Variants in CACNA1E observed in about 807,000 individuals in gnomAD.
CACNA1E encodes the protein calcium voltage-gated channel subunit alpha1 E, also known as voltage-dependent R-type calcium channel subunit alpha-1E.
Under a neutral mutation model 259.2 loss-of-function variants are expected in CACNA1E, and 40 were observed. That is an observed-to-expected ratio of 0.15 (90% CI 0.12 to 0.20). CACNA1E has a LOEUF of 0.20. Ranked by LOEUF, CACNA1E falls within the 10% of genes least tolerant of loss-of-function variation. The pLI is 1.00. For missense variants in CACNA1E, 1,874 were observed against 3,040.1 expected, an observed-to-expected ratio of 0.62 and a Z score of 9.02; for synonymous variants, 1,104 against 1,138.5, an observed-to-expected ratio of 0.97 and a Z score of 0.61.
intron 7 of CACNA1E, among the ~76,000 whole-genome samples, chr1:181,655,612 T>C (rs1255031730): frequency 6.6e-6 from 1 of 152,036 alleles, no homozygotes; most frequent in Non-Finnish European, 1.5e-5. Flanking sequence ...AAGGAAGTAA[T>C]TGAAGAAAGA....
At chr1:181,400,097 TC>T (rs1454328089) in intron 1 of CACNA1E, among the ~76,000 whole-genome samples, 2 of 151,974 alleles carry the variant, frequency 1.3e-5, no homozygotes, top group Non-Finnish European at 2.9e-5. Context: ...ATCTCAGTGT[TC>T]CCCCCCACCA....
intron 6 of CACNA1E, among the ~76,000 whole-genome samples, chr1:181,645,459 C>G (rs1355112127): frequency 1.3e-5 from 2 of 152,190 alleles, no homozygotes; most frequent in East Asian, 3.9e-4. Context: ...TCCCCCACTT[C>G]TTGGCATGTC....
Position 181,758,889 on chromosome 1 carries a change from C to T in CACNA1E, c.4605+21C>T, listed in dbSNP as rs372381671. The T allele has an allele frequency of 7.2e-5, 94 of 1,298,426 alleles. No individual in the cohort carries two copies. The African/African-American group carries it at 1.1e-3, about 15-fold the overall frequency. 80.4% of individuals were successfully genotyped at this position (1,298,426 alleles called of 1,614,324 possible). On this transcript the variant is annotated intron_variant, in intron 32 of 47. Coordinates refer to ENST00000367573, the MANE Select transcript of CACNA1E (RefSeq NM_001205293.3). This position sits in a 1 kb window ranked among gnomAD's most constrained non-coding sequence, Gnocchi z 4.2. ...TTTTGGTATGTTGCTGAATCCTTCC[C>T]AGCACTGGGCTTGTCTCTTTCTGTT... is the stretch of plus-strand genomic sequence containing the variant.
In CACNA1E at chr1:181,794,873, G is replaced by A. The variant is rs1319824179; in HGVS notation, c.6037G>A (p.Asp2013Asn). ...RLTVDPQVVT[D>N]PSSMRRSFST... is the part of the protein sequence containing the mutation. Reference sequence around the variant, plus strand: ...GGGCTTGTATTTCCAGGTGGTGACAGACCCTAGCTCCATGAGACGTTCATT... The same window carrying A: ...GGGCTTGTATTTCCAGGTGGTGACAAACCCTAGCTCCATGAGACGTTCATT... Residue 2013 changes from aspartate (D) to asparagine (N), a missense_variant, in exon 46 of 48, where the codon GAC becomes AAC. By Grantham distance (23) the Asp-to-Asn change is conservative (BLOSUM62 1). This residue lies in a region of CACNA1E where 542 missense variants were observed against 587.2 expected (regional missense o/e 0.92). Transcript: ENST00000367573. 6.2e-7 allele frequency: 1 copy of A among 1,610,766 alleles called. No homozygotes were observed. The highest frequency in any genetic ancestry group is 1.1e-5 in the South Asian group (1 of 90,522).
chr1:181,679,391 G>A (rs959943652), intron 7 of CACNA1E, among the ~76,000 whole-genome samples: 2 of 152,140 alleles, frequency 1.3e-5, no homozygotes, highest in East Asian at 1.9e-4. Context: ...CAAAGCTCAC[G>A]TGCTTTGTCC....
intron 2 of CACNA1E, among the ~76,000 whole-genome samples, chr1:181,435,463 T>C (rs1571868341): frequency 1.3e-5 from 2 of 152,210 alleles, no homozygotes; most frequent in African/African-American, 4.8e-5. Flanking sequence ...GCCACCCCCA[T>C]AGAATGTTCC....
At chr1:181,680,124 A>G (rs1649798734) in intron 7 of CACNA1E, among the ~76,000 whole-genome samples, 1 of 121,852 alleles carries the variant, frequency 8.2e-6, no homozygotes, top group Non-Finnish European at 1.7e-5. Flanking sequence ...AAAAAAAAAA[A>G]AAAAAAAAAA....
chr1:181,483,494 CTTTTTTCTTTTTT>C (rs1558040208), upstream of CACNA1E: 2 of 237,942 alleles, frequency 8.4e-6, no homozygotes, highest in African/African-American at 2.5e-5. Flanking sequence ...CTTTTTTTTT[CTTTTTTCTTTTTT>C]TTTTTTTTCC....
At chr1:181,780,257 G>C (rs1008050580) in intron 38 of CACNA1E, among the ~76,000 whole-genome samples, 4 of 152,182 alleles carry the variant, frequency 2.6e-5, no homozygotes, top group Non-Finnish European at 5.9e-5. Context: ...GGGTTGCTGT[G>C]AGGGATCTGA....
chr1:181,653,738 C>T (rs2102076140), intron 7 of CACNA1E, among the ~76,000 whole-genome samples: 1 of 152,336 alleles, frequency 6.6e-6, no homozygotes, highest in East Asian at 1.9e-4. Context: ...GATTTAGGGT[C>T]ATTCTGATAA....
At chr1:181,593,066 A>G (rs1351963350) in intron 6 of CACNA1E, among the ~76,000 whole-genome samples, 4 of 152,196 alleles carry the variant, frequency 2.6e-5, no homozygotes, top group Non-Finnish European at 5.9e-5. Flanking sequence ...CATCAGTAAT[A>G]TGGGGGTAAT....
intron 23 of CACNA1E, among the ~76,000 whole-genome samples, chr1:181,737,927 A>G (rs1404186989): frequency 6.6e-6 from 1 of 152,214 alleles, no homozygotes; most frequent in African/African-American, 2.4e-5. Context: ...ATATAGGGTC[A>G]TGGATGGTGT....
intron 7 of CACNA1E, among the ~76,000 whole-genome samples, chr1:181,671,684 A>G (rs151170755): frequency 8.7e-4 from 133 of 152,328 alleles, no homozygotes; most frequent in South Asian, 1.2e-3. Context: ...TCTAGTGGCC[A>G]GTGTCAGTTA....
intron 2 of CACNA1E, among the ~76,000 whole-genome samples, chr1:181,438,670 A>C (rs1463072180): frequency 1.3e-5 from 2 of 152,214 alleles, no homozygotes; most frequent in African/African-American, 4.8e-5. Flanking sequence ...CAAAATTCAG[A>C]AAGGTGGATC....
chr1:181,626,168 T>C (rs1222016901), intron 6 of CACNA1E, among the ~76,000 whole-genome samples: 1 of 152,120 alleles, frequency 6.6e-6, no homozygotes, highest in Non-Finnish European at 1.5e-5. Flanking sequence ...GATATAATAA[T>C]AATGAAAAAT....
At chr1:181,336,257 T>C (rs951763719) in intron 1 of CACNA1E, among the ~76,000 whole-genome samples, 1 of 152,230 alleles carries the variant, frequency 6.6e-6, no homozygotes, top group Non-Finnish European at 1.5e-5. Context: ...AATGCCCAGA[T>C]GTTAGAGGTG....
chr1:181,475,324 T>C (rs939167904), intron 2 of CACNA1E, among the ~76,000 whole-genome samples: 1 of 152,230 alleles, frequency 6.6e-6, no homozygotes, highest in South Asian at 2.1e-4. Context: ...ATGAATATAA[T>C]GGCAAAGTTA....
chr1:181,377,760 T>C (rs1655197102), intron 1 of CACNA1E, among the ~76,000 whole-genome samples: 1 of 152,246 alleles, frequency 6.6e-6, no homozygotes, highest in South Asian at 2.1e-4. Context: ...TAATAATTCC[T>C]GTGCTACAGT....
chr1:181,560,760 A>C (rs1649243187), intron 3 of CACNA1E, among the ~76,000 whole-genome samples: 1 of 152,256 alleles, frequency 6.6e-6, no homozygotes, highest in South Asian at 2.1e-4. Context: ...AATTGAAAGC[A>C]GGGACTTGAA....
Sources: gnomAD v4.1 joint callset for allele counts (sites outside exome capture counted in the v4.1 genomes callset) on GRCh38, gnomAD v4.1.1 for gene constraint, gnomAD v4.1.1 regional missense constraint, Gnocchi (gnomAD v3.1) non-coding constraint, MANE v1.5 for transcripts, NCBI Gene and HGNC (gene_info 2026-07-23, HGNC 2026-07-21) for gene names.